PHC3: variants seen among roughly 807,000 people sequenced by gnomAD.
PHC3 encodes the protein polyhomeotic homolog 3.
A neutral mutation model predicts 107.4 loss-of-function variants in PHC3; 13 were observed. The observed-to-expected ratio is 0.12, with a 90% CI of 0.08 to 0.19. The LOEUF is 0.19. Among genes scored for constraint, PHC3 ranks in the 10% least tolerant of loss-of-function variants. PHC3 has a pLI of 1.00. For missense variants in PHC3, 992 were observed against 1,210.9 expected (o/e 0.82, Z 2.68); for synonymous variants, 456 against 427.4 (o/e 1.07, Z -0.83).
chr3:170,103,027 T>G, intron 12 of PHC3, 93 bp from the exon 13 acceptor site: 1 of 1,205,816 alleles, frequency 8.3e-7, no homozygotes, highest in South Asian at 1.4e-5. Context: ...TGTGAATCAG[T>G]AAGTACCACA....
At chr3:170,127,157 C>T (rs1721450810) in intron 8 of PHC3, among the ~76,000 whole-genome samples, 1 of 152,142 alleles carries the variant, frequency 6.6e-6, no homozygotes, top group Admixed American at 6.5e-5. Flanking sequence ...GACATGATAA[C>T]TGAATGATAA....
rs1284886557 is a variant in PHC3, at chr3:170,111,337, C to T, written c.2353+2023G>A. On this transcript the variant is annotated intron_variant, in intron 11 of 14. Transcript: ENST00000495893. Reference sequence around the variant, plus strand: ...AGGAAGGAACGAACGAACGAAAGAACAAAAGAACGGAAAGGAAAGGGAAGG... The same window carrying T: ...AGGAAGGAACGAACGAACGAAAGAATAAAAGAACGGAAAGGAAAGGGAAGG... Among the ~76,000 whole-genome samples, 7 of 75,776 alleles carry T rather than the reference C, an allele frequency of 9.2e-5. 1 individual carries two copies. Among genetic ancestry groups the T allele is most frequent in the African/African-American group, 3.1e-4 (6 of 19,612 alleles). 49.7% of individuals were successfully genotyped at this position (75,776 alleles called of 152,430 possible).
Position 170,088,499 on chromosome 3 carries a change from T to C in PHC3, c.*8731A>G, listed in dbSNP as rs1315543695. On this transcript the variant is annotated 3_prime_UTR_variant, in exon 15 of 15. Transcript: ENST00000495893. ...CTTTGAGGATAGTTTTTGGAACTTA[T>C]TTTGACTTTTTTCCCTATAGGAAAA... 1 of 152,206 alleles carries C rather than the reference T, an allele frequency of 6.6e-6. No homozygotes were observed. Among genetic ancestry groups the C allele is most frequent in the Non-Finnish European group, 1.5e-5 (1 of 68,020 alleles). 9.4% of individuals were successfully genotyped at this position (152,206 alleles called of 1,614,324 possible). A position where few individuals can be genotyped will look rare whatever the true frequency, so the allele number is the denominator to read the frequency against.
chr3:170,124,907 A>AAAAAT (rs888524905), intron 8 of PHC3, among the ~76,000 whole-genome samples: 2 of 152,216 alleles, frequency 1.3e-5, no homozygotes, highest in South Asian at 2.1e-4. Context: ...GGTGACAATC[A>AAAAAT]AAAATAAAAT....
intron 4 of PHC3, among the ~76,000 whole-genome samples, chr3:170,164,057 C>T (rs1033833600): frequency 6.6e-6 from 1 of 151,938 alleles, no homozygotes; most frequent in Non-Finnish European, 1.5e-5. Context: ...ACAAAAATAG[C>T]TGGGTGTGGA....
intron 4 of PHC3, among the ~76,000 whole-genome samples, chr3:170,153,492 G>A (rs549853098): frequency 2.1e-4 from 32 of 152,170 alleles, no homozygotes; most frequent in African/African-American, 3.1e-4. Context: ...GGCCGGGCGC[G>A]GTGGCTCACG....
At chr3:170,105,368 C>T (rs1275078794) in intron 12 of PHC3, among the ~76,000 whole-genome samples, 2 of 152,014 alleles carry the variant, frequency 1.3e-5, no homozygotes, top group Admixed American at 6.6e-5. Flanking sequence ...AAACAATGAG[C>T]CCAATTTTGG....
At chr3:170,123,519 G>A (rs1720755856) in intron 8 of PHC3, among the ~76,000 whole-genome samples, 1 of 152,266 alleles carries the variant, frequency 6.6e-6, no homozygotes, top group African/African-American at 2.4e-5. Context: ...GCCAGGTGCA[G>A]TGGCTCGTGC....
intron 1 of PHC3, among the ~76,000 whole-genome samples, chr3:170,180,261 C>T (rs1176467381): frequency 6.6e-6 from 1 of 151,582 alleles, no homozygotes; most frequent in Non-Finnish European, 1.5e-5. Context: ...GCCTGGGCAA[C>T]ATAGGGAAAC....
intron 6 of PHC3, among the ~76,000 whole-genome samples, chr3:170,140,069 T>C (rs1039505507): frequency 6.6e-6 from 1 of 152,010 alleles, no homozygotes; most frequent in African/African-American, 2.4e-5. Context: ...TAACAAATAC[T>C]ATGGCAATTA....
intron 11 of PHC3, among the ~76,000 whole-genome samples, chr3:170,112,751 TA>T: frequency 6.6e-6 from 1 of 152,188 alleles, no homozygotes; most frequent in Non-Finnish European, 1.5e-5. Context: ...CTCAAACTCC[TA>T]ACCTCAAGTG....
chr3:170,173,549 C>A (rs1729948577), intron 2 of PHC3, among the ~76,000 whole-genome samples: 1 of 152,180 alleles, frequency 6.6e-6, no homozygotes, highest in African/African-American at 2.4e-5. Flanking sequence ...CATGTGCCTA[C>A]TGAGCACTTA....
Position 170,094,615 on chromosome 3 carries a change from T to C in PHC3, c.*2615A>G, listed in dbSNP as rs1288620587. The stretch of plus-strand genomic sequence containing the variant: ...GTGTTGTCTATATATCCATTATATA[T>C]AGCTGAAGCTTTGAAATTAAGATGA... On this transcript the variant is annotated 3_prime_UTR_variant, in exon 15 of 15. Coordinates refer to ENST00000495893, the MANE Select transcript of PHC3 (RefSeq NM_024947.4). 1.3e-5 allele frequency: 2 copies of C among 152,202 alleles called. No homozygotes were observed. Among genetic ancestry groups the C allele is most frequent in the African/African-American group, 4.8e-5 (2 of 41,460 alleles). The allele number at this position is 152,202 out of a possible 1,614,324, so 9.4% of individuals were successfully genotyped here. A position where few individuals can be genotyped will look rare whatever the true frequency, so the allele number is the denominator to read the frequency against.
rs542597036 is a variant in PHC3, at chr3:170,127,248, C to T, written c.1788+1436G>A. On this transcript the variant is annotated intron_variant, in intron 8 of 14. Transcript: ENST00000495893. ...AGGCCGCAATCTCGGCCCACTGCAC[C>T]CTCCACCTCCCAGGTTCAAGAGATT... Among the ~76,000 whole-genome samples the T allele has an allele frequency of 4.6e-5, 7 of 152,280 alleles. No individual in the cohort carries two copies. The South Asian group carries it at 1.4e-3, about 32-fold the overall frequency.
At chr3:170,131,003 T>C (rs764884373) in intron 7 of PHC3, among the ~76,000 whole-genome samples, 4 of 152,126 alleles carry the variant, frequency 2.6e-5, no homozygotes, top group Non-Finnish European at 5.9e-5. Context: ...GACAACTTTA[T>C]AAAAACTTTC....
intron 7 of PHC3, among the ~76,000 whole-genome samples, chr3:170,133,953 C>T (rs757659769): frequency 6.6e-6 from 1 of 152,022 alleles, no homozygotes; most frequent in Non-Finnish European, 1.5e-5. Flanking sequence ...ATCTACCTTT[C>T]ATTATAATTT....
chr3:170,089,287 G>A lies in PHC3; in HGVS notation c.*7943C>T, dbSNP rs189249676. On this transcript the variant is annotated 3_prime_UTR_variant, in exon 15 of 15. Coordinates refer to ENST00000495893, the MANE Select transcript of PHC3 (RefSeq NM_024947.4). ...TTAACAAGTAAAGCTTTGTCAACAG[G>A]AATTACAATGTGATTCACAGATCCC... 2 of 152,234 alleles carry A rather than the reference G, an allele frequency of 1.3e-5. No individual in the cohort carries two copies. The highest frequency in any genetic ancestry group is 4.8e-5 in the African/African-American group (2 of 41,528). The allele number at this position is 152,234 out of a possible 1,614,324, so 9.4% of individuals were successfully genotyped here.
In PHC3 at chr3:170,113,416, T is replaced by C; in HGVS notation, c.2297A>G (p.Asn766Ser). The change falls in exon 11 of 15, where the codon AAT (asparagine) becomes AGT (serine). Residue 766 changes from asparagine (N) to serine (S), a missense_variant. Asn to Ser is a conservative substitution (Grantham distance 46). Around this residue, in one of 6 missense-constraint regions of PHC3, gnomAD observed 228 missense variants for 288.8 expected, o/e 0.79. Transcript: ENST00000495893. ...AGATGAATTATCCGCATGTTTTGTA[T>C]TATTCTGTAGCTCTGGCTGAACACA... is the stretch of plus-strand genomic sequence containing the variant. ...SVCVQPELQN[N>S]TKHADNSSDT... The C allele has an allele frequency of 6.2e-7, 1 of 1,613,288 alleles. No homozygotes were observed. Among genetic ancestry groups the C allele is most frequent in the African/African-American group, 1.3e-5 (1 of 75,038 alleles).
rs1458511933 is a variant in PHC3 at position 170,089,315 on chromosome 3, A to G, written c.*7915T>C. On this transcript the variant is annotated 3_prime_UTR_variant, in exon 15 of 15. Transcript: ENST00000495893. The stretch of plus-strand genomic sequence containing the variant: ...TTACAATGTGATTCACAGATCCCAG[A>G]ATGACAAGGAAGGGACCTTAACCCA... The G allele has an allele frequency of 6.6e-6, 1 of 152,230 alleles. No homozygotes were observed. Among genetic ancestry groups the G allele is most frequent in the Non-Finnish European group, 1.5e-5 (1 of 68,034 alleles). 9.4% of individuals were successfully genotyped at this position (152,230 alleles called of 1,614,324 possible).
Sources: gnomAD v4.1 joint callset for allele counts (sites outside exome capture counted in the v4.1 genomes callset) on GRCh38, gnomAD v4.1.1 for gene constraint, gnomAD v4.1.1 regional missense constraint, MANE v1.5 for transcripts, NCBI Gene and HGNC (gene_info 2026-07-23, HGNC 2026-07-21) for gene names.